Variants in FZD3 observed in about 807,000 individuals in gnomAD.
FZD3 encodes frizzled class receptor 3.
Under a neutral mutation model 60.7 loss-of-function variants are expected in FZD3, and 30 were observed. The observed-to-expected ratio is 0.49, with a 90% CI of 0.37 to 0.67. FZD3 has a LOEUF of 0.67. Among genes scored for constraint, FZD3 ranks in the 30% least tolerant of loss-of-function variants. The probability of loss-of-function intolerance (pLI) is 0.00; values close to 1 mark genes in which losing one functional copy is unlikely to be tolerated. For missense variants in FZD3, 605 were observed against 838.7 expected, an observed-to-expected ratio of 0.72 and a Z score of 3.44; for synonymous variants, 246 against 275.2, an observed-to-expected ratio of 0.89 and a Z score of 1.05.
intron 4 of FZD3, among the ~76,000 whole-genome samples, chr8:28,526,321 T>C (rs1213621133): frequency 1.3e-5 from 2 of 152,190 alleles, no homozygotes; most frequent in African/African-American, 4.8e-5. Context: ...ATGCCTATGC[T>C]TATATTTGCT....
chr8:28,551,539 A>G lies in FZD3; in HGVS notation c.1405-64A>G, dbSNP rs961994678. 7.4e-5 allele frequency: 90 copies of G among 1,210,102 alleles called. No homozygotes were observed. In the South Asian group the frequency reaches 1.0e-3, roughly 14 times the overall value. 75.0% of individuals were successfully genotyped at this position (1,210,102 alleles called of 1,614,324 possible). A position where few individuals can be genotyped will look rare whatever the true frequency, so the allele number is the denominator to read the frequency against. On this transcript the variant is annotated intron_variant, in intron 5 of 7. Coordinates refer to ENST00000240093, the MANE Select transcript of FZD3 (RefSeq NM_017412.4). ...CTCAAAAGAAAAAGAAAAAGATTTC[A>G]TAATGGCCTTTAATAGAAAGTTATT...
intron 3 of FZD3, among the ~76,000 whole-genome samples, chr8:28,510,938 A>T (rs1585952400): frequency 6.6e-6 from 1 of 151,366 alleles, no homozygotes; most frequent in African/African-American, 2.4e-5. Flanking sequence ...TCGGGAGGCT[A>T]AGACAGGAGA....
At chr8:28,553,153 T>C (rs1225327507) in intron 6 of FZD3, among the ~76,000 whole-genome samples, 1 of 152,184 alleles carries the variant, frequency 6.6e-6, no homozygotes, top group Non-Finnish European at 1.5e-5. Flanking sequence ...ACTAGTGATA[T>C]CAGATAATGC....
intron 3 of FZD3, among the ~76,000 whole-genome samples, chr8:28,516,681 G>A (rs1340428184): frequency 6.6e-6 from 1 of 151,704 alleles, no homozygotes; most frequent in Non-Finnish European, 1.5e-5. Context: ...TTCTGTTGGT[G>A]GTTTTTAAAA....
At chr8:28,538,404 A>G (rs1446306491) in intron 5 of FZD3, among the ~76,000 whole-genome samples, 2 of 152,190 alleles carry the variant, frequency 1.3e-5, no homozygotes, top group African/African-American at 4.8e-5. Context: ...ATTTACACAC[A>G]TCATCTCATT....
rs1451583128 is a variant in FZD3 at position 28,570,883 on chromosome 8, G to T, written c.*7872G>T. On this transcript the variant is annotated 3_prime_UTR_variant, in exon 8 of 8. Coordinates refer to ENST00000240093, the MANE Select transcript of FZD3 (RefSeq NM_017412.4). ...ATATAGGAAGGTATACTGGTTTCTG[G>T]TGTGATTCTTTAGCTACATTTATTC... is the stretch of plus-strand genomic sequence containing the variant. The T allele has an allele frequency of 2.0e-5, 3 of 151,886 alleles. No homozygotes were observed. The highest frequency in any genetic ancestry group is 6.6e-5 in the Admixed American group (1 of 15,254). The allele number at this position is 151,886 out of a possible 1,614,324, so 9.4% of individuals were successfully genotyped here.
rs368238826 is a variant in FZD3 at position 28,562,824 on chromosome 8, T to C, written c.1814T>C (p.Met605Thr). Residue 605 changes from methionine (M) to threonine (T), a missense_variant, in exon 8 of 8, where the codon ATG becomes ACG. By Grantham distance (81) the Met-to-Thr change is moderately conservative. Transcript: ENST00000240093. ...GRYTPCSYRG[M>T]EERLPHGSMS... Reference sequence around the variant, plus strand: ...TACACGCCCTGCAGTTACAGAGGAATGGAGGAGAGACTACCTCATGGCAGC... The same window carrying C: ...TACACGCCCTGCAGTTACAGAGGAACGGAGGAGAGACTACCTCATGGCAGC... 1.2e-6 allele frequency: 2 copies of C among 1,611,800 alleles called. No homozygotes were observed. The highest frequency in any genetic ancestry group is 2.2e-5 in the East Asian group (1 of 44,830).
At chr8:28,542,002 CA>C (rs2130432599) in intron 5 of FZD3, among the ~76,000 whole-genome samples, 1 of 151,886 alleles carries the variant, frequency 6.6e-6, no homozygotes, top group East Asian at 1.9e-4. Flanking sequence ...ACACAGTAGC[CA>C]GAGCAAGTTT....
At chr8:28,554,107 G>A (rs1047574964) in intron 6 of FZD3, among the ~76,000 whole-genome samples, 1 of 152,216 alleles carries the variant, frequency 6.6e-6, no homozygotes, top group Admixed American at 6.5e-5. Flanking sequence ...CCCCTTAAGT[G>A]AAGCCAGATT....
chr8:28,561,487 C>T (rs1376094559), intron 7 of FZD3, among the ~76,000 whole-genome samples: 1 of 151,920 alleles, frequency 6.6e-6, no homozygotes, highest in African/African-American at 2.4e-5. Flanking sequence ...AAATAATTCA[C>T]ACTGAGTCAT....
In FZD3 at chr8:28,502,868, C is replaced by T. The variant is rs369355869; in HGVS notation, c.-146C>T. On this transcript the variant is annotated 5_prime_UTR_variant, in exon 3 of 8. The change creates a new upstream start codon in the 5' untranslated region. Coordinates refer to ENST00000240093, the MANE Select transcript of FZD3 (RefSeq NM_017412.4). ...TGAGACCAAGCTAACAAACCTCTGA[C>T]GGTGCGAAGAGTATTTAACTGTTTG... The T allele has an allele frequency of 2.1e-5, 10 of 469,510 alleles. No homozygotes were observed. Among genetic ancestry groups the T allele is most frequent in the South Asian group, 1.2e-4 (2 of 16,930 alleles). 29.1% of individuals were successfully genotyped at this position (469,510 alleles called of 1,614,324 possible).
intron 7 of FZD3, among the ~76,000 whole-genome samples, chr8:28,560,156 A>G (rs1287740251): frequency 1.3e-5 from 2 of 152,202 alleles, no homozygotes; most frequent in African/African-American, 4.8e-5. Flanking sequence ...GTGATAGCAA[A>G]TAGTATGGAC....
At chr8:28,510,783 T>C (rs561733762) in intron 3 of FZD3, among the ~76,000 whole-genome samples, 1 of 152,048 alleles carries the variant, frequency 6.6e-6, no homozygotes, top group South Asian at 2.1e-4. Context: ...AGGCCTATAA[T>C]CTGAGCACTT....
intron 1 of FZD3, among the ~76,000 whole-genome samples, chr8:28,495,906 A>G (rs1803831680): frequency 6.6e-6 from 1 of 152,072 alleles, no homozygotes; most frequent in African/African-American, 2.4e-5. Flanking sequence ...GGTAAAGCCT[A>G]TCATTCTACC....
chr8:28,518,934 A>G lies in FZD3; in HGVS notation c.190-1704A>G, dbSNP rs140112837. On this transcript the variant is annotated intron_variant, in intron 3 of 7. Transcript: ENST00000240093. ...TAGCAGTTCTCCAGTGGTTTTAAAT[A>G]GATAACTTAAAATTTTTTCTGTTTT... Among the ~76,000 whole-genome samples, 68 of 152,354 alleles carry G rather than the reference A, an allele frequency of 4.5e-4. 1 individual carries two copies. In the East Asian group the frequency reaches 0.01, roughly 23 times the overall value.
At chr8:28,551,414 T>A (rs1805408626) in intron 5 of FZD3, among the ~76,000 whole-genome samples, 189 bp from the exon 6 acceptor site, 1 of 152,040 alleles carries the variant, frequency 6.6e-6, no homozygotes, top group South Asian at 2.1e-4. Context: ...CTTGGGAGGC[T>A]GTGAGGCAGG....
intron 1 of FZD3, among the ~76,000 whole-genome samples, chr8:28,496,559 T>C (rs970828170): frequency 6.6e-6 from 1 of 152,322 alleles, no homozygotes. Context: ...AATTATTCAG[T>C]ATAGATTGGA....
chr8:28,545,162 A>G (rs997513894), intron 5 of FZD3, among the ~76,000 whole-genome samples: 6 of 152,164 alleles, frequency 3.9e-5, no homozygotes, highest in African/African-American at 1.2e-4. Context: ...ATATGTAGCA[A>G]CCACTATGGT....
chr8:28,555,396 A>G (rs1261387049), intron 6 of FZD3, among the ~76,000 whole-genome samples: 1 of 152,210 alleles, frequency 6.6e-6, no homozygotes, highest in East Asian at 1.9e-4. Context: ...TTTAGAAATG[A>G]TGAAATTGTA....
Sources: allele counts gnomAD v4.1 joint callset (sites outside exome capture counted in the v4.1 genomes callset), GRCh38; gene constraint gnomAD v4.1.1; transcripts MANE v1.5; gene names NCBI Gene and HGNC (gene_info 2026-07-23, HGNC 2026-07-21).